The following SGCZ variants were observed in gnomAD, a reference collection of about 807,000 sequenced individuals.
The protein encoded by SGCZ is zeta-sarcoglycan.
A neutral mutation model predicts 41.3 loss-of-function variants in SGCZ; 40 were observed. The observed-to-expected ratio is 0.97, with a 90% CI of 0.75 to 1.26. The LOEUF is 1.26. SGCZ is among the 50% of genes most tolerant of loss of function. The pLI is 0.00. For missense variants in SGCZ, 552 were observed against 369.8 expected (o/e 1.49, Z -4.04); for synonymous variants, 206 against 137.5 (o/e 1.50, Z -3.49).
chr8:15,135,812 G>C (rs745395979), intron 1 of SGCZ, among the ~76,000 whole-genome samples: 1 of 152,166 alleles, frequency 6.6e-6, no homozygotes, highest in Non-Finnish European at 1.5e-5. Flanking sequence ...TTTTATTGAA[G>C]TGGTACTGAC....
chr8:14,982,438 A>G (rs1289408498), intron 1 of SGCZ, among the ~76,000 whole-genome samples: 2 of 152,180 alleles, frequency 1.3e-5, no homozygotes, highest in Non-Finnish European at 2.9e-5. Context: ...TATTTCTCAA[A>G]AGATTGTAAT....
chr8:14,786,338 C>G (rs1006987841), intron 1 of SGCZ, among the ~76,000 whole-genome samples: 1 of 152,014 alleles, frequency 6.6e-6, no homozygotes, highest in Non-Finnish European at 1.5e-5. Flanking sequence ...AAAGTTTACT[C>G]TGAGGAATTA....
At chr8:14,933,431 C>CTTTTT (rs11443740) in intron 1 of SGCZ, among the ~76,000 whole-genome samples, 2 of 120,418 alleles carry the variant, frequency 1.7e-5, no homozygotes, top group African/African-American at 3.3e-5. Flanking sequence ...CTTTTTTTTT[C>CTTTTT]TTTTTTTTTT....
intron 1 of SGCZ, among the ~76,000 whole-genome samples, chr8:14,867,246 C>T (rs1232649123): frequency 6.6e-6 from 1 of 152,088 alleles, no homozygotes; most frequent in Non-Finnish European, 1.5e-5. Context: ...GGATAATGGT[C>T]TCGATCTCCA....
intron 1 of SGCZ, among the ~76,000 whole-genome samples, chr8:14,906,802 G>A (rs996952574): frequency 6.6e-6 from 1 of 152,154 alleles, no homozygotes; most frequent in African/African-American, 2.4e-5. Flanking sequence ...AAGAGCTAGA[G>A]CTAGAAAAAG....
chr8:14,252,198 A>G (rs10091434), intron 3 of SGCZ, among the ~76,000 whole-genome samples: 101,192 of 151,992 alleles, frequency 0.67, 34,109 homozygotes, highest in South Asian at 0.78. Context: ...TCTCTGTGAT[A>G]CATGCTGGCT....
intron 2 of SGCZ, among the ~76,000 whole-genome samples, chr8:14,506,456 C>A (rs1802307246): frequency 1.3e-5 from 2 of 151,500 alleles, no homozygotes; most frequent in Admixed American, 6.6e-5. Context: ...AATAACCAAA[C>A]AAATAAACAA....
At chr8:14,392,475 T>C (rs1281345122) in intron 2 of SGCZ, among the ~76,000 whole-genome samples, 1 of 152,126 alleles carries the variant, frequency 6.6e-6, no homozygotes, top group Admixed American at 6.6e-5. Flanking sequence ...AGAGTAGAAA[T>C]ACGGTATTTG....
At chr8:14,142,871 G>T (rs1803412522) in intron 5 of SGCZ, among the ~76,000 whole-genome samples, 1 of 151,992 alleles carries the variant, frequency 6.6e-6, no homozygotes, top group African/African-American at 2.4e-5. Flanking sequence ...CATGTAAGAT[G>T]TGCCAGCCTC....
chr8:15,010,344 C>T (rs540700614), intron 1 of SGCZ, among the ~76,000 whole-genome samples: 15 of 152,108 alleles, frequency 9.9e-5, no homozygotes, highest in Admixed American at 6.5e-5. Context: ...ATAATTCTAC[C>T]TCATCTATCA....
chr8:15,220,968 A>G lies in SGCZ; in HGVS notation c.39+16617T>C, dbSNP rs113174762. Among the ~76,000 whole-genome samples, 440 of 152,194 alleles carry G rather than the reference A, an allele frequency of 2.9e-3. 3 individuals are homozygous for G. Among genetic ancestry groups the G allele is most frequent in the African/African-American group, 9.6e-3 (398 of 41,540 alleles). ...CATGGGTGGGAATTGAACAATGAGA[A>G]TACTTGGACACAGGATGGGGAACAT... On this transcript the variant is annotated intron_variant, in intron 1 of 7. Transcript: ENST00000382080.
intron 1 of SGCZ, among the ~76,000 whole-genome samples, chr8:14,779,082 C>T (rs755257474): frequency 1.3e-5 from 2 of 152,294 alleles, no homozygotes; most frequent in South Asian, 4.1e-4. Flanking sequence ...TGCATATTTT[C>T]AAGAGAACTG....
At chr8:15,085,683 A>C (rs1035665041) in intron 1 of SGCZ, among the ~76,000 whole-genome samples, 4 of 152,052 alleles carry the variant, frequency 2.6e-5, no homozygotes, top group African/African-American at 9.7e-5. Flanking sequence ...ATTTTGCTTG[A>C]TTTCTCCTGG....
chr8:14,709,497 G>C (rs776930251), intron 1 of SGCZ, among the ~76,000 whole-genome samples: 1 of 152,164 alleles, frequency 6.6e-6, no homozygotes, highest in Non-Finnish European at 1.5e-5. Context: ...CCATCTCTTG[G>C]AGGAGATATC....
At chr8:14,289,011 T>C (rs997630703) in intron 3 of SGCZ, among the ~76,000 whole-genome samples, 3 of 152,310 alleles carry the variant, frequency 2.0e-5, no homozygotes, top group African/African-American at 7.2e-5. Flanking sequence ...TTTTTATTTG[T>C]GTTTTCTTGA....
intron 1 of SGCZ, among the ~76,000 whole-genome samples, chr8:14,995,179 T>A (rs995766925): frequency 1.3e-5 from 2 of 152,240 alleles, no homozygotes; most frequent in African/African-American, 4.8e-5. Context: ...CACTGAAGTA[T>A]ATTTATCAGG....
At chr8:15,235,541 C>G (rs720486) in intron 1 of SGCZ, among the ~76,000 whole-genome samples, 3 of 152,208 alleles carry the variant, frequency 2.0e-5, no homozygotes, top group East Asian at 3.8e-4. Context: ...TGCCAGAGCA[C>G]TAAGTCCAGT....
At chr8:14,094,263 G>T (rs553992893) in intron 7 of SGCZ, among the ~76,000 whole-genome samples, 1 of 152,056 alleles carries the variant, frequency 6.6e-6, no homozygotes, top group South Asian at 2.1e-4. Context: ...ATCTACTTAG[G>T]TATTTGTCCT....
chr8:14,461,976 A>G (rs1585547101), intron 2 of SGCZ, among the ~76,000 whole-genome samples: 1 of 152,208 alleles, frequency 6.6e-6, no homozygotes, highest in African/African-American at 2.4e-5. Flanking sequence ...CTTAGTAGGC[A>G]TTTGGAAAAG....
Sources: gnomAD v4.1 joint callset for allele counts (sites outside exome capture counted in the v4.1 genomes callset) on GRCh38, gnomAD v4.1.1 for gene constraint, MANE v1.5 for transcripts, NCBI Gene and HGNC (gene_info 2026-07-23, HGNC 2026-07-21) for gene names.